KCNK9: variants seen among roughly 807,000 people sequenced by gnomAD.
The protein encoded by KCNK9 is potassium two pore domain channel subfamily K member 9.
KCNK9 carries 1 observed loss-of-function variant against 10.8 expected under a neutral mutation model. The observed-to-expected ratio is 0.09, with a 90% CI of 0.03 to 0.44. The LOEUF is 0.44. Ranked by LOEUF, KCNK9 falls within the 20% of genes least tolerant of loss-of-function variation. The pLI is 0.97. For synonymous variants in KCNK9, 231 were observed against 222.7 expected (o/e 1.04, Z -0.33); for missense variants, 303 against 515.0 (o/e 0.59, Z 3.98).
intron 1 of KCNK9, among the ~76,000 whole-genome samples, chr8:139,699,500 G>A (rs1817146522): frequency 6.6e-6 from 1 of 152,180 alleles, no homozygotes; most frequent in African/African-American, 2.4e-5. Context: ...CCATGCAAAG[G>A]TCTAGCACTT....
chr8:139,671,383 G>A (rs916497271), intron 1 of KCNK9, among the ~76,000 whole-genome samples: 1 of 152,224 alleles, frequency 6.6e-6, no homozygotes, highest in Non-Finnish European at 1.5e-5. Flanking sequence ...AGCCAGCCCA[G>A]AGGAGGTGAG....
At chr8:139,615,011 G>A (rs1814537518), downstream of KCNK9, among the ~76,000 whole-genome samples, 1 of 152,132 alleles carries the variant, frequency 6.6e-6, no homozygotes. Flanking sequence ...CTGTGACTTC[G>A]ACCACCTTGC....
In KCNK9 at chr8:139,703,035, C is replaced by T; in HGVS notation, c.-43G>A. On this transcript the variant is annotated 5_prime_UTR_variant, in exon 1 of 2. Transcript: ENST00000520439. The surrounding 1 kb of genome is among the most constrained non-coding windows in gnomAD (Gnocchi z 6.4). ...CGGCGCGGGGGGCATGTCCCGCAGG[C>T]TCACAGCCGCGCGCGTCCCACTGCA... 1.3e-6 allele frequency: 2 copies of T among 1,532,180 alleles called. No individual in the cohort carries two copies. Among genetic ancestry groups the T allele is most frequent in the Non-Finnish European group, 1.7e-6 (2 of 1,143,530 alleles). 94.9% of individuals were successfully genotyped at this position (1,532,180 alleles called of 1,614,324 possible).
chr8:139,655,556 A>G (rs1816001257), intron 1 of KCNK9, among the ~76,000 whole-genome samples: 1 of 152,194 alleles, frequency 6.6e-6, no homozygotes, highest in African/African-American at 2.4e-5. Flanking sequence ...GGAGGCAGGA[A>G]GCTGAGCGAT....
chr8:139,629,781 C>A (rs1586644601), intron 1 of KCNK9, among the ~76,000 whole-genome samples: 1 of 152,136 alleles, frequency 6.6e-6, no homozygotes, highest in Admixed American at 6.5e-5. Flanking sequence ...GTCCCCATAT[C>A]CCTTACTCTT....
At chr8:139,627,545 C>A (rs1353607582) in intron 1 of KCNK9, among the ~76,000 whole-genome samples, 1 of 152,222 alleles carries the variant, frequency 6.6e-6, no homozygotes, top group Non-Finnish European at 1.5e-5. Context: ...CGACCCCGAT[C>A]TCAGAGATGG....
chr8:139,695,984 C>T (rs1383059271), intron 1 of KCNK9, among the ~76,000 whole-genome samples: 1 of 152,102 alleles, frequency 6.6e-6, no homozygotes, highest in African/African-American at 2.4e-5. Context: ...AGCTGAAATC[C>T]CTCTCATCTT....
At chr8:139,687,679 T>TGA (rs1248118759) in intron 1 of KCNK9, among the ~76,000 whole-genome samples, 11 of 137,620 alleles carry the variant, frequency 8.0e-5, no homozygotes, top group Non-Finnish European at 1.1e-4. Flanking sequence ...TGTATACATA[T>TGA]ATATTCATAT....
At chr8:139,644,649 A>T (rs1815614983) in intron 1 of KCNK9, among the ~76,000 whole-genome samples, 1 of 151,986 alleles carries the variant, frequency 6.6e-6, no homozygotes, top group African/African-American at 2.4e-5. Context: ...GTGGTTTTGC[A>T]ACCAGGGCCA....
chr8:139,657,878 C>G (rs1816059398), intron 1 of KCNK9, among the ~76,000 whole-genome samples: 1 of 152,208 alleles, frequency 6.6e-6, no homozygotes, highest in South Asian at 2.1e-4. Context: ...CACATCACCC[C>G]CATCCAGGCA....
chr8:139,648,421 G>T (rs772965095), intron 1 of KCNK9, among the ~76,000 whole-genome samples: 2 of 152,314 alleles, frequency 1.3e-5, no homozygotes, highest in East Asian at 3.9e-4. Flanking sequence ...TTTGTAAAGC[G>T]TATTCTACCT....
At chr8:139,675,212 T>C (rs1816521843) in intron 1 of KCNK9, among the ~76,000 whole-genome samples, 2 of 152,114 alleles carry the variant, frequency 1.3e-5, no homozygotes, top group South Asian at 4.1e-4. Context: ...ATTCGGGACA[T>C]GGGGCCGCAT....
chr8:139,689,643 ATTT>A (rs35831003), intron 1 of KCNK9, among the ~76,000 whole-genome samples: 15 of 134,108 alleles, frequency 1.1e-4, no homozygotes, highest in African/African-American at 4.0e-4. Flanking sequence ...CTTTGCCATC[ATTT>A]TTTTTTTTTT....
chr8:139,664,564 C>T (rs1002952915), intron 1 of KCNK9, among the ~76,000 whole-genome samples: 1 of 152,208 alleles, frequency 6.6e-6, no homozygotes, highest in South Asian at 2.1e-4. Flanking sequence ...CCAGAAGACG[C>T]TTAGCCACCA....
chr8:139,671,529 T>TC (rs776063792), intron 1 of KCNK9, among the ~76,000 whole-genome samples: 1 of 134,582 alleles, frequency 7.4e-6, no homozygotes, highest in African/African-American at 2.7e-5. Flanking sequence ...TTTTTTTTTT[T>TC]AGATGGAGTC....
intron 1 of KCNK9, among the ~76,000 whole-genome samples, chr8:139,630,107 G>A (rs536845530): frequency 6.6e-6 from 1 of 152,210 alleles, no homozygotes; most frequent in Non-Finnish European, 1.5e-5. Context: ...GGTTTCTTTT[G>A]GGGATAAAGA....
At chr8:139,644,856 C>T (rs1815626998) in intron 1 of KCNK9, among the ~76,000 whole-genome samples, 1 of 152,152 alleles carries the variant, frequency 6.6e-6, no homozygotes, top group South Asian at 2.1e-4. Context: ...CTGCCAAGAG[C>T]CCTGCCTCCC....
chr8:139,619,692 G>A (rs1221844137), intron 1 of KCNK9, among the ~76,000 whole-genome samples: 1 of 152,182 alleles, frequency 6.6e-6, no homozygotes, highest in African/African-American at 2.4e-5. Flanking sequence ...TGAGTTAGCA[G>A]GGTAGCTTGA....
intron 1 of KCNK9, among the ~76,000 whole-genome samples, chr8:139,677,716 C>T (rs1027932263): frequency 2.2e-5 from 1 of 46,242 alleles, no homozygotes; most frequent in African/African-American, 5.9e-5. Context: ...TAATACCTCA[C>T]ATCCCAGCCC....
Sources: gnomAD v4.1 joint callset for allele counts (sites outside exome capture counted in the v4.1 genomes callset) on GRCh38, gnomAD v4.1.1 for gene constraint, Gnocchi (gnomAD v3.1) non-coding constraint, MANE v1.5 for transcripts, NCBI Gene and HGNC (gene_info 2026-07-23, HGNC 2026-07-21) for gene names.